The following XPO6 variants were observed in gnomAD, a reference collection of about 807,000 sequenced individuals.
XPO6 encodes the protein exportin 6, also known as exportin-6.
XPO6 carries 3 observed loss-of-function variants against 130.0 expected under a neutral mutation model. The ratio of observed to expected loss-of-function variants is 0.02; its 90% CI spans 0.01 to 0.06. XPO6 has a LOEUF of 0.06. XPO6 is among the 10% of genes least tolerant of loss of function. XPO6 has a pLI of 1.00. For missense variants in XPO6, 970 were observed against 1,393.0 expected (o/e 0.70, Z 4.83); for synonymous variants, 524 against 548.9 (o/e 0.95, Z 0.63).
At position 28,098,377 on chromosome 16, in the gene XPO6, C is replaced by G; in HGVS notation, c.*161G>C. On this transcript the variant is annotated 3_prime_UTR_variant, in exon 24 of 24. Transcript: ENST00000304658. ...GGACCCAGAAGCCAGCTCTGCTGGG[C>G]AGCGGCAAGATGTGGAGGAGCGGCA... is the stretch of plus-strand genomic sequence containing the variant. 1.6e-6 allele frequency: 1 copy of G among 621,716 alleles called. No homozygotes were observed. Among genetic ancestry groups the G allele is most frequent in the Non-Finnish European group, 2.8e-6 (1 of 358,292 alleles). 38.5% of individuals were successfully genotyped at this position (621,716 alleles called of 1,614,324 possible).
Position 28,132,380 on chromosome 16 carries a change from T to G in XPO6, c.1560A>C (p.Leu520Phe). 1 of 1,607,070 alleles carries G rather than the reference T, an allele frequency of 6.2e-7. No homozygotes were observed. The highest frequency in any genetic ancestry group is 8.5e-7 in the Non-Finnish European group (1 of 1,176,756). ...ACTGTTGTAATCCCAAATAAACTTC[T>G]AAATTGTCCTGAAGAACAGGGAACT... ...STLFPVLQDNLEVYLGLQQFI... is the reference protein window; with the variant it reads ...STLFPVLQDNFEVYLGLQQFI... The change falls in exon 12 of 24, where the codon TTA becomes TTC. Residue 520 changes from leucine (L) to phenylalanine (F), a missense_variant. By Grantham distance (22) the Leu-to-Phe change is conservative (BLOSUM62 0). Coordinates refer to ENST00000304658, the MANE Select transcript of XPO6 (RefSeq NM_015171.4). This position sits in a 1 kb window ranked among gnomAD's most constrained non-coding sequence, Gnocchi z 4.0.
intron 1 of XPO6, among the ~76,000 whole-genome samples, chr16:28,207,445 T>C (rs1483303321): frequency 6.6e-6 from 1 of 152,194 alleles, no homozygotes; most frequent in Non-Finnish European, 1.5e-5. Flanking sequence ...GTCACACCAC[T>C]TAAGAATCCA....
At position 28,132,693 on chromosome 16, in the gene XPO6, C is replaced by G. The variant is rs901923018; in HGVS notation, c.1537-290G>C. Among the ~76,000 whole-genome samples the G allele has an allele frequency of 1.3e-5, 2 of 151,138 alleles. No homozygotes were observed. Among genetic ancestry groups the G allele is most frequent in the African/African-American group, 4.9e-5 (2 of 41,056 alleles). ...AAGCAAAGGACACTGTGGTATGACT[C>G]TTACGTTCCTAATAGAGGAGATCAA... On this transcript the variant is annotated intron_variant, in intron 11 of 23. Transcript: ENST00000304658. The surrounding 1 kb of genome is among the most constrained non-coding windows in gnomAD (Gnocchi z 4.0).
chr16:28,118,045 A>T (rs1413239151), intron 14 of XPO6, among the ~76,000 whole-genome samples: 1 of 152,264 alleles, frequency 6.6e-6, no homozygotes, highest in Non-Finnish European at 1.5e-5. Flanking sequence ...AATATAATAA[A>T]CAATCAATCT....
chr16:28,198,794 A>G (rs946055308), intron 1 of XPO6, among the ~76,000 whole-genome samples: 6 of 152,106 alleles, frequency 3.9e-5, no homozygotes, highest in Admixed American at 2.0e-4. Flanking sequence ...AACTCCCTAT[A>G]CTATTTCTGC....
intron 1 of XPO6, among the ~76,000 whole-genome samples, chr16:28,209,913 C>T (rs903495107): frequency 5.9e-5 from 9 of 151,912 alleles, no homozygotes; most frequent in Admixed American, 1.3e-4. Context: ...CTGAGGAGGA[C>T]GGATCACTTG....
chr16:28,168,571 G>C (rs1037135100), intron 5 of XPO6, among the ~76,000 whole-genome samples: 1 of 151,626 alleles, frequency 6.6e-6, no homozygotes, highest in African/African-American at 2.4e-5. Context: ...GGGAAGGATG[G>C]GGGGACAAAT....
At position 28,112,021 on chromosome 16, in the gene XPO6, A is replaced by G. The variant is rs1367563669; in HGVS notation, c.2152-15T>C. On this transcript the variant is annotated splice_polypyrimidine_tract_variant and intron_variant, in intron 16 of 23. Transcript: ENST00000304658. ...AACACCTGGGCCTACAAGAGACCCC[A>G]AAGGCATCCATCAGAGGTCAGAGCC... 2 of 1,603,972 alleles carry G rather than the reference A, an allele frequency of 1.2e-6. No individual in the cohort carries two copies. Among genetic ancestry groups the G allele is most frequent in the South Asian group, 1.1e-5 (1 of 89,822 alleles).
intron 6 of XPO6, among the ~76,000 whole-genome samples, chr16:28,157,621 A>G (rs2043204118): frequency 6.6e-6 from 1 of 152,264 alleles, no homozygotes; most frequent in African/African-American, 2.4e-5. Context: ...CAGTAAACAC[A>G]ACAACCCCAG....
intron 12 of XPO6, chr16:28,126,683 T>C (rs1237466209): frequency 6.6e-6 from 1 of 152,206 alleles, no homozygotes; most frequent in African/African-American, 2.4e-5. Flanking sequence ...ACATCCTCCC[T>C]TGATTCGGTC....
chr16:28,099,138 G>A (rs565274778), intron 23 of XPO6, among the ~76,000 whole-genome samples: 4 of 148,420 alleles, frequency 2.7e-5, no homozygotes, highest in South Asian at 2.2e-4. Context: ...CTTTACCCAC[G>A]GGGCTCCAGG....
rs762017994 is a variant in XPO6 at position 28,209,509 on chromosome 16, G to A, written c.3+1857C>T. On this transcript the variant is annotated intron_variant, in intron 1 of 23. Coordinates refer to ENST00000304658, the MANE Select transcript of XPO6 (RefSeq NM_015171.4). ...ACAAAATTTAGCCGGGCATGGTGGC[G>A]CATGCCTATAATCCCAGCTACTCGG... Among the ~76,000 whole-genome samples, 9 of 151,688 alleles carry A rather than the reference G, an allele frequency of 5.9e-5. No individual in the cohort carries two copies. The East Asian group carries it at 1.8e-3, about 30-fold the overall frequency.
chr16:28,196,298 T>C (rs561528626), intron 1 of XPO6, among the ~76,000 whole-genome samples: 1 of 152,226 alleles, frequency 6.6e-6, no homozygotes, highest in African/African-American at 2.4e-5. Context: ...GTCATCTTTT[T>C]ATGCATTCGG....
rs145638400 is a variant in XPO6 at position 28,139,957 on chromosome 16, C to T, written c.1335-4633G>A. ...ATAAAGACAACATGTACAGGCTGGG[C>T]GCAGTGGCTCACGCCTGTAATCCCA... On this transcript the variant is annotated intron_variant, in intron 9 of 23. Coordinates refer to ENST00000304658, the MANE Select transcript of XPO6 (RefSeq NM_015171.4). 1.7e-3 allele frequency among the ~76,000 whole-genome samples: 261 copies of T among 152,306 alleles called. 2 individuals are homozygous for T. Among genetic ancestry groups the T allele is most frequent in the African/African-American group, 5.5e-3 (230 of 41,558 alleles).
rs780362179 is a variant in XPO6 at position 28,177,178 on chromosome 16, C to T, written c.207+42G>A. On this transcript the variant is annotated intron_variant, in intron 3 of 23. Coordinates refer to ENST00000304658, the MANE Select transcript of XPO6 (RefSeq NM_015171.4). Reference sequence around the variant, plus strand: ...TGCTAATGATATGGCAATAGAACTACAAAATCCTTTTCAGAAGAGTATAAA... The same window carrying T: ...TGCTAATGATATGGCAATAGAACTATAAAATCCTTTTCAGAAGAGTATAAA... The T allele has an allele frequency of 2.2e-5, 31 of 1,428,196 alleles. No individual in the cohort carries two copies. The Admixed American group carries it at 2.4e-4, about 11-fold the overall frequency. The allele number at this position is 1,428,196 out of a possible 1,614,324, so 88.5% of individuals were successfully genotyped here. A position where few individuals can be genotyped will look rare whatever the true frequency, so the allele number is the denominator to read the frequency against.
chr16:28,190,958 G>A (rs540383731), intron 1 of XPO6, among the ~76,000 whole-genome samples: 14 of 152,332 alleles, frequency 9.2e-5, no homozygotes, highest in South Asian at 2.1e-4. Context: ...AAGGGTATGA[G>A]AGATCTTTGT....
Position 28,123,377 on chromosome 16 carries a change from G to C in XPO6, c.1767-1615C>G, listed in dbSNP as rs548557207. On this transcript the variant is annotated intron_variant, in intron 13 of 23. Coordinates refer to ENST00000304658, the MANE Select transcript of XPO6 (RefSeq NM_015171.4). ...CTCACCTCAGCCTCCCAAAGTGCTG[G>C]GATTACAGGTGAGCCACCACGCCTG... is the stretch of plus-strand genomic sequence containing the variant. Among the ~76,000 whole-genome samples the C allele has an allele frequency of 4.6e-5, 7 of 152,252 alleles. No homozygotes were observed. In the South Asian group the frequency reaches 1.5e-3, roughly 32 times the overall value.
chr16:28,133,616 T>A (rs947481730), intron 11 of XPO6, among the ~76,000 whole-genome samples: 13 of 152,230 alleles, frequency 8.5e-5, no homozygotes, highest in African/African-American at 3.1e-4. Flanking sequence ...TTAGTCAAAT[T>A]GCTATTATAT....
intron 14 of XPO6, among the ~76,000 whole-genome samples, chr16:28,119,215 C>T (rs1176122303): frequency 2.0e-5 from 3 of 148,934 alleles, no homozygotes; most frequent in African/African-American, 7.5e-5. Flanking sequence ...GACAGAGTCT[C>T]ACTATGTTGC....
Sources: gnomAD v4.1 joint callset for allele counts (sites outside exome capture counted in the v4.1 genomes callset) on GRCh38, gnomAD v4.1.1 for gene constraint, Gnocchi (gnomAD v3.1) non-coding constraint, MANE v1.5 for transcripts, NCBI Gene and HGNC (gene_info 2026-07-23, HGNC 2026-07-21) for gene names.